Variants in LDLRAD3 observed in about 807,000 individuals in gnomAD.
LDLRAD3 encodes low-density lipoprotein receptor class A domain-containing protein 3.
A neutral mutation model predicts 29.4 loss-of-function variants in LDLRAD3; 20 were observed. The ratio of observed to expected loss-of-function variants is 0.68; its 90% CI spans 0.48 to 0.99. The LOEUF is 0.99. Ranked by LOEUF, LDLRAD3 falls within the 50% of genes least tolerant of loss-of-function variation. The pLI is 0.00. For missense variants in LDLRAD3, 420 were observed against 454.3 expected (o/e 0.92, Z 0.69); for synonymous variants, 157 against 192.7 (o/e 0.81, Z 1.53).
chr11:36,196,876 G>A (rs951946435), intron 4 of LDLRAD3: 1 of 152,144 alleles, frequency 6.6e-6, no homozygotes, highest in Non-Finnish European at 1.5e-5. Context: ...TAACCCTGGT[G>A]GTAGCTCCCT....
At chr11:36,143,943 C>CCTCCCT (rs1388057238) in intron 4 of LDLRAD3, among the ~76,000 whole-genome samples, 129 of 126,146 alleles carry the variant, frequency 1.0e-3, no homozygotes, top group East Asian at 7.3e-3. Context: ...TCCCCCTCCC[C>CCTCCCT]CTCCCTCTCT....
intron 4 of LDLRAD3, among the ~76,000 whole-genome samples, chr11:36,168,496 TTC>T (rs1234452970): frequency 1.6e-4 from 17 of 104,944 alleles, no homozygotes; most frequent in Admixed American, 9.5e-4. Context: ...TTTTTCTTTC[TTC>T]TTTTTTTTTT....
chr11:36,226,074 T>A (rs559695646), intron 4 of LDLRAD3, among the ~76,000 whole-genome samples: 2 of 135,584 alleles, frequency 1.5e-5, no homozygotes, highest in East Asian at 3.9e-4. Context: ...CTCAAATAAA[T>A]AAATAAATAA....
chr11:35,969,437 TTAA>T (rs1217025782), intron 1 of LDLRAD3, among the ~76,000 whole-genome samples: 1 of 152,256 alleles, frequency 6.6e-6, no homozygotes, highest in Admixed American at 6.5e-5. Flanking sequence ...AGCTTATGAC[TTAA>T]TGAGCTCAGT....
chr11:36,022,877 C>G (rs957690549), intron 1 of LDLRAD3, among the ~76,000 whole-genome samples: 1 of 152,172 alleles, frequency 6.6e-6, no homozygotes, highest in Admixed American at 6.5e-5. Flanking sequence ...ATTGCTTGCT[C>G]AGGAGGTCTG....
At chr11:36,162,234 G>A (rs1854451296) in intron 4 of LDLRAD3, among the ~76,000 whole-genome samples, 1 of 152,150 alleles carries the variant, frequency 6.6e-6, no homozygotes, top group Non-Finnish European at 1.5e-5. Context: ...AGCTATTTTT[G>A]TAAGTTTCAT....
chr11:35,994,633 T>G (rs1016147967), intron 1 of LDLRAD3, among the ~76,000 whole-genome samples: 1 of 152,218 alleles, frequency 6.6e-6, no homozygotes, highest in Non-Finnish European at 1.5e-5. Context: ...ATCAATGGAC[T>G]CTTCCTTTCA....
intron 3 of LDLRAD3, among the ~76,000 whole-genome samples, chr11:36,096,212 A>G (rs1853358675): frequency 6.6e-6 from 1 of 152,212 alleles, no homozygotes; most frequent in Admixed American, 6.5e-5. Flanking sequence ...AAAATAAAAA[A>G]GTCTTCAGTT....
At chr11:35,956,281 G>A (rs1236718054) in intron 1 of LDLRAD3, among the ~76,000 whole-genome samples, 1 of 152,170 alleles carries the variant, frequency 6.6e-6, no homozygotes, top group African/African-American at 2.4e-5. Flanking sequence ...GAGGCCAGGA[G>A]TGGAGACCAG....
At chr11:35,972,222 G>A (rs947322293) in intron 1 of LDLRAD3, among the ~76,000 whole-genome samples, 18 of 152,036 alleles carry the variant, frequency 1.2e-4, no homozygotes, top group East Asian at 7.7e-4. Flanking sequence ...AGGCACCACC[G>A]TAGGAGAATA....
intron 4 of LDLRAD3, among the ~76,000 whole-genome samples, chr11:36,206,871 G>A (rs557198231): frequency 4.6e-5 from 7 of 151,612 alleles, no homozygotes; most frequent in African/African-American, 9.7e-5. Context: ...GATTACAGGC[G>A]CCCCCGCCAC....
chr11:36,081,906 A>C lies in LDLRAD3; in HGVS notation c.319+128A>C, dbSNP rs371060196. ...TCAGGCATTCTCTTCTGTTACCCAGATTCTGTTCTTCCCTACTTCTTGTGT... is the reference window on the plus strand; with the variant it reads ...TCAGGCATTCTCTTCTGTTACCCAGCTTCTGTTCTTCCCTACTTCTTGTGT... On this transcript the variant is annotated intron_variant, in intron 3 of 5. Coordinates refer to ENST00000315571, the MANE Select transcript of LDLRAD3 (RefSeq NM_174902.4). 2.9e-4 allele frequency: 320 copies of C among 1,112,118 alleles called. 4 individuals carry two copies. The East Asian group carries it at 5.2e-3, about 18-fold the overall frequency. 68.9% of individuals were successfully genotyped at this position (1,112,118 alleles called of 1,614,324 possible).
At chr11:36,067,342 A>T (rs1852811069) in intron 2 of LDLRAD3, among the ~76,000 whole-genome samples, 1 of 152,174 alleles carries the variant, frequency 6.6e-6, no homozygotes. Context: ...GTAACACTCA[A>T]TACTACATAA....
intron 4 of LDLRAD3, among the ~76,000 whole-genome samples, chr11:36,191,214 G>A (rs1169387594): frequency 6.6e-6 from 1 of 152,060 alleles, no homozygotes; most frequent in African/African-American, 2.4e-5. Context: ...GGATCCGAAG[G>A]TGTGGGGAGA....
intron 4 of LDLRAD3, among the ~76,000 whole-genome samples, chr11:36,108,234 G>A (rs1437231801): frequency 1.4e-5 from 2 of 144,914 alleles, no homozygotes; most frequent in Non-Finnish European, 3.0e-5. Flanking sequence ...GCAGGAGAAT[G>A]GTGTGAACCC....
chr11:36,107,700 G>A (rs1011219120), intron 4 of LDLRAD3, among the ~76,000 whole-genome samples: 4 of 152,182 alleles, frequency 2.6e-5, no homozygotes, highest in Non-Finnish European at 5.9e-5. Context: ...TAGCCTAGGA[G>A]CAGCAGGCTG....
chr11:36,024,497 AGTTATG>A (rs1852138445), intron 1 of LDLRAD3, among the ~76,000 whole-genome samples: 1 of 152,182 alleles, frequency 6.6e-6, no homozygotes, highest in Non-Finnish European at 1.5e-5. Context: ...TGCCACAGCT[AGTTATG>A]GTTATAAGAG....
intron 1 of LDLRAD3, among the ~76,000 whole-genome samples, chr11:35,984,717 C>T (rs539332045): frequency 1.1e-4 from 17 of 152,148 alleles, no homozygotes; most frequent in East Asian, 1.9e-4. Flanking sequence ...CCGCAGCCTC[C>T]GCCTTCCGGG....
intron 4 of LDLRAD3, among the ~76,000 whole-genome samples, chr11:36,145,876 T>A (rs553605834): frequency 7.1e-4 from 108 of 152,044 alleles, no homozygotes; most frequent in Non-Finnish European, 1.2e-3. Flanking sequence ...TGCGGAAGGC[T>A]GCAGGGTCCT....
Sources: gnomAD v4.1 joint callset for allele counts (sites outside exome capture counted in the v4.1 genomes callset) on GRCh38, gnomAD v4.1.1 for gene constraint, MANE v1.5 for transcripts, NCBI Gene and HGNC (gene_info 2026-07-23, HGNC 2026-07-21) for gene names.